The following CNTNAP2 variants were observed in gnomAD, a reference collection of about 807,000 sequenced individuals.
CNTNAP2 encodes the protein contactin-associated protein-like 2.
Under a neutral mutation model 155.2 loss-of-function variants are expected in CNTNAP2, and 98 were observed. That is an observed-to-expected ratio of 0.63 (90% CI 0.54 to 0.75). CNTNAP2 has a LOEUF of 0.75. Among genes scored for constraint, CNTNAP2 ranks in the 30% least tolerant of loss-of-function variants. The pLI, the probability that CNTNAP2 is intolerant of heterozygous loss-of-function variation, is 0.00. For synonymous variants in CNTNAP2, 651 were observed against 631.2 expected (o/e 1.03, Z -0.47); for missense variants, 1,727 against 1,688.1 (o/e 1.02, Z -0.40).
chr7:148,381,317 T>A (rs1437548223), intron 21 of CNTNAP2: 1 of 152,244 alleles, frequency 6.6e-6, no homozygotes, highest in African/African-American at 2.4e-5. Flanking sequence ...ACTAGCAGCA[T>A]CCGAGCTCTT....
At position 146,370,472 on chromosome 7, in the gene CNTNAP2, C is replaced by A. The variant is rs185014028; in HGVS notation, c.97+253499C>A. ...AAAAAGGAAAAAAAAAACATTTTTC[C>A]TTAATGATTTTCACTGTCAAAATTA... On this transcript the variant is annotated intron_variant, in intron 1 of 23. Transcript: ENST00000361727. 2.4e-3 allele frequency among the ~76,000 whole-genome samples: 365 copies of A among 151,588 alleles called. 2 individuals carry two copies. The highest frequency in any genetic ancestry group is 0.021 in the Middle Eastern group (6 of 292).
At chr7:147,101,657 G>A (rs1343878129) in intron 4 of CNTNAP2, among the ~76,000 whole-genome samples, 1 of 152,108 alleles carries the variant, frequency 6.6e-6, no homozygotes, top group Admixed American at 6.5e-5. Flanking sequence ...ATGGGGAGCT[G>A]GAAAGGAGAT....
chr7:146,763,680 G>A (rs1360060447), intron 1 of CNTNAP2, among the ~76,000 whole-genome samples: 1 of 152,040 alleles, frequency 6.6e-6, no homozygotes, highest in Non-Finnish European at 1.5e-5. Context: ...CAATTATCTA[G>A]CAATCAGTAC....
intron 6 of CNTNAP2, among the ~76,000 whole-genome samples, chr7:147,124,756 C>A (rs1225072430): frequency 6.6e-6 from 1 of 151,922 alleles, no homozygotes; most frequent in Non-Finnish European, 1.5e-5. Context: ...TTCAGCACAG[C>A]ACTGCTAGCG....
chr7:147,720,792 T>C (rs968788812), intron 13 of CNTNAP2, among the ~76,000 whole-genome samples: 2 of 152,066 alleles, frequency 1.3e-5, no homozygotes, highest in Non-Finnish European at 2.9e-5. Flanking sequence ...GAACTGTGAG[T>C]TAGTTAAACC....
chr7:146,974,360 C>A lies in CNTNAP2; in HGVS notation c.403-69547C>A, dbSNP rs373058487. Among the ~76,000 whole-genome samples the A allele has an allele frequency of 3.3e-4, 50 of 151,944 alleles. No homozygotes were observed. The East Asian group carries it at 6.8e-3, about 21-fold the overall frequency. On this transcript the variant is annotated intron_variant, in intron 3 of 23. Transcript: ENST00000361727. Reference sequence around the variant, plus strand: ...GGCTGAGGCAGGAGAATCACTTGAACCTGGGAAGAGGAGGTTGCAGTGAGC... The same window carrying A: ...GGCTGAGGCAGGAGAATCACTTGAAACTGGGAAGAGGAGGTTGCAGTGAGC...
chr7:146,445,727 A>G (rs1017082635), intron 1 of CNTNAP2, among the ~76,000 whole-genome samples: 1 of 152,202 alleles, frequency 6.6e-6, no homozygotes, highest in African/African-American at 2.4e-5. Flanking sequence ...GATAGCAAGT[A>G]GTAGAGCAAG....
At chr7:148,258,960 G>A (rs1230353047) in intron 20 of CNTNAP2, among the ~76,000 whole-genome samples, 10 of 151,754 alleles carry the variant, frequency 6.6e-5, no homozygotes, top group Non-Finnish European at 1.0e-4. Flanking sequence ...GGCAGATCAC[G>A]AGGTCAGGAG....
chr7:148,253,009 C>CATAGATAGATAGATAG (rs59679982), intron 20 of CNTNAP2, among the ~76,000 whole-genome samples: 75 of 141,950 alleles, frequency 5.3e-4, no homozygotes, highest in East Asian at 2.7e-3. Context: ...TAGATAGATA[C>CATAGATAGATAGATAG]ATAGATAGAT....
chr7:146,822,831 A>G (rs549355030), intron 2 of CNTNAP2, among the ~76,000 whole-genome samples: 60 of 148,862 alleles, frequency 4.0e-4, no homozygotes, highest in East Asian at 3.8e-3. Context: ...ATATTTAAAT[A>G]TAAATATACT....
At position 146,769,746 on chromosome 7, in the gene CNTNAP2, A is replaced by G. The variant is rs191875790; in HGVS notation, c.98-4525A>G. Among the ~76,000 whole-genome samples, 329 of 152,316 alleles carry G rather than the reference A, an allele frequency of 2.2e-3. 2 individuals are homozygous for G. Among genetic ancestry groups the G allele is most frequent in the African/African-American group, 7.6e-3 (314 of 41,574 alleles). Reference sequence around the variant, plus strand: ...GGAAACTCACTCTGTAAAAGCTCAGATAGTAAATAGTTTAGTTTCGTGGGC... The same window carrying G: ...GGAAACTCACTCTGTAAAAGCTCAGGTAGTAAATAGTTTAGTTTCGTGGGC... On this transcript the variant is annotated intron_variant, in intron 1 of 23. Coordinates refer to ENST00000361727, the MANE Select transcript of CNTNAP2 (RefSeq NM_014141.6).
chr7:147,117,967 C>T (rs1158740169), intron 5 of CNTNAP2, among the ~76,000 whole-genome samples: 3 of 151,708 alleles, frequency 2.0e-5, no homozygotes, highest in Non-Finnish European at 4.4e-5. Flanking sequence ...CATGCAAAAC[C>T]TGGGAAATAC....
At chr7:147,838,497 C>T (rs766161356) in intron 13 of CNTNAP2, among the ~76,000 whole-genome samples, 5 of 152,148 alleles carry the variant, frequency 3.3e-5, no homozygotes, top group African/African-American at 1.2e-4. Context: ...ACCCAAGTCA[C>T]CTCTTCAATG....
At chr7:146,764,269 C>A (rs867558257) in intron 1 of CNTNAP2, among the ~76,000 whole-genome samples, 1 of 152,026 alleles carries the variant, frequency 6.6e-6, no homozygotes, top group Non-Finnish European at 1.5e-5. Flanking sequence ...GACCTTCTTA[C>A]GAGACTGTAG....
intron 13 of CNTNAP2, among the ~76,000 whole-genome samples, chr7:147,871,661 CT>C (rs5888290): frequency 0.24 from 33,759 of 142,402 alleles, 4,132 homozygotes; most frequent in African/African-American, 0.33. Flanking sequence ...ATTCCTTTCT[CT>C]TTTTTTTTTT....
intron 15 of CNTNAP2, among the ~76,000 whole-genome samples, chr7:148,050,480 G>A (rs1345463870): frequency 6.6e-6 from 1 of 152,150 alleles, no homozygotes; most frequent in Non-Finnish European, 1.5e-5. Context: ...TGTACAATGT[G>A]CTTGTGTTTT....
chr7:148,262,855 G>T (rs1325640911), intron 20 of CNTNAP2, among the ~76,000 whole-genome samples: 2 of 152,190 alleles, frequency 1.3e-5, no homozygotes, highest in Non-Finnish European at 2.9e-5. Context: ...GTCAGGTCCT[G>T]GAGAGCCCTG....
intron 15 of CNTNAP2, among the ~76,000 whole-genome samples, chr7:148,081,312 A>C (rs2116547687): frequency 6.6e-6 from 1 of 152,194 alleles, no homozygotes; most frequent in East Asian, 1.9e-4. Flanking sequence ...GAAGGATGCA[A>C]AGTATTGATC....
At chr7:146,626,616 A>T (rs578045076) in intron 1 of CNTNAP2, among the ~76,000 whole-genome samples, 3 of 152,184 alleles carry the variant, frequency 2.0e-5, no homozygotes, top group African/African-American at 7.2e-5. Context: ...TGGAAACTCA[A>T]TGTATCCAAT....
Sources: allele counts gnomAD v4.1 joint callset (sites outside exome capture counted in the v4.1 genomes callset), GRCh38; gene constraint gnomAD v4.1.1; transcripts MANE v1.5; gene names NCBI Gene and HGNC (gene_info 2026-07-23, HGNC 2026-07-21).